The following C14orf39 variants were observed in gnomAD, a reference collection of about 807,000 sequenced individuals.
C14orf39 encodes chromosome 14 open reading frame 39.
C14orf39 carries 66 observed loss-of-function variants against 85.6 expected under a neutral mutation model. The ratio of observed to expected loss-of-function variants is 0.77; its 90% CI spans 0.63 to 0.95. The LOEUF is 0.95. C14orf39 is among the 40% of genes least tolerant of loss of function. C14orf39 has a pLI of 0.00. For missense variants in C14orf39, 735 were observed against 663.9 expected (o/e 1.11, Z -1.18); for synonymous variants, 242 against 214.0 (o/e 1.13, Z -1.14).
In C14orf39 at chr14:60,458,742, G is replaced by A. The variant is rs751462910; in HGVS notation, c.1118-3C>T. 2 of 1,589,738 alleles carry A rather than the reference G, an allele frequency of 1.3e-6. No homozygotes were observed. The highest frequency in any genetic ancestry group is 2.3e-5 in the South Asian group (2 of 87,684). On this transcript the variant is annotated splice_polypyrimidine_tract_variant and splice_region_variant and intron_variant, in intron 13 of 17. Transcript: ENST00000321731. ...CCCTTTATCTCCATACTCAGCATCT[G>A]TTGTCATATGAGAACAAACTATTTT...
intron 1 of C14orf39, among the ~76,000 whole-genome samples, chr14:60,500,586 T>A (rs1302004185): frequency 6.6e-6 from 1 of 152,142 alleles, no homozygotes; most frequent in Non-Finnish European, 1.5e-5. Flanking sequence ...TAGAACACAA[T>A]GTAACCTTCA....
intron 13 of C14orf39, among the ~76,000 whole-genome samples, chr14:60,460,684 C>T (rs1891481062): frequency 6.6e-6 from 1 of 151,672 alleles, no homozygotes; most frequent in African/African-American, 2.4e-5. Context: ...CATGTATACA[C>T]ATGTGTGTGT....
Position 60,454,981 on chromosome 14 carries a change from C to T in C14orf39, c.1503+20G>A. The stretch of plus-strand genomic sequence containing the variant: ...CACAGCAGAATTTTTAGAAATAAAA[C>T]TTTTGGCTTCTCATATTACCTGATC... On this transcript the variant is annotated intron_variant, in intron 16 of 17. Transcript: ENST00000321731. The T allele has an allele frequency of 6.8e-7, 1 of 1,477,354 alleles. No individual in the cohort carries two copies. The highest frequency in any genetic ancestry group is 1.4e-5 in the South Asian group (1 of 69,916). 91.5% of individuals were successfully genotyped at this position (1,477,354 alleles called of 1,614,324 possible). A position where few individuals can be genotyped will look rare whatever the true frequency, so the allele number is the denominator to read the frequency against.
At chr14:60,510,107 C>T in intron 1 of C14orf39, 1 of 786,276 alleles carries the variant, frequency 1.3e-6, no homozygotes, top group Non-Finnish European at 2.1e-6. Context: ...GGTTAAGAGC[C>T]CTGCGTTCTG....
chr14:60,497,419 G>A lies in C14orf39; in HGVS notation c.-9+1877C>T, dbSNP rs116036938. Among the ~76,000 whole-genome samples the A allele has an allele frequency of 4.3e-3, 658 of 151,858 alleles. 4 individuals are homozygous for A. The highest frequency in any genetic ancestry group is 0.015 in the African/African-American group (631 of 41,394). On this transcript the variant is annotated intron_variant, in intron 2 of 5. Coordinates refer to the C14orf39 transcript ENST00000556799. ...CACACACACACACTCCTTGGCATTC[G>A]AAACAAATAGGTTACAGCAACAGTT...
intron 16 of C14orf39, 35 bp downstream of exon 16, chr14:60,454,966 T>C (rs1208754745): frequency 1.4e-6 from 2 of 1,447,508 alleles, no homozygotes; most frequent in Admixed American, 5.7e-5. Context: ...CACAGCAGAA[T>C]TTTTAGAAAT....
intron 17 of C14orf39, among the ~76,000 whole-genome samples, chr14:60,437,655 T>C (rs549946673): frequency 1.3e-5 from 2 of 152,122 alleles, no homozygotes; most frequent in South Asian, 2.1e-4. Flanking sequence ...TAAAAGTCTA[T>C]TGTCCAGTGA....
intron 13 of C14orf39, among the ~76,000 whole-genome samples, chr14:60,459,710 T>C (rs1022087161): frequency 6.6e-6 from 1 of 151,756 alleles, no homozygotes; most frequent in African/African-American, 2.4e-5. Context: ...ACTGTAGTTT[T>C]ATTTTGAGTT....
intron 4 of C14orf39, 91 bp from the exon 5 acceptor site, chr14:60,478,480 G>A: frequency 1.5e-6 from 1 of 653,334 alleles, no homozygotes; most frequent in Non-Finnish European, 2.4e-6. Flanking sequence ...TATTTAAAGA[G>A]AAACGAATCT....
chr14:60,514,026 G>T (rs1350402068), intron 1 of C14orf39, among the ~76,000 whole-genome samples: 1 of 152,156 alleles, frequency 6.6e-6, no homozygotes, highest in Non-Finnish European at 1.5e-5. Flanking sequence ...TTACTTGTAA[G>T]ATTTTTTTAA....
intron 10 of C14orf39, among the ~76,000 whole-genome samples, 179 bp from the exon 11 acceptor site, chr14:60,466,234 T>C (rs1348000666): frequency 6.6e-6 from 1 of 151,942 alleles, no homozygotes; most frequent in African/African-American, 2.4e-5. Flanking sequence ...ATATAATAGC[T>C]TTACAATAAC....
At chr14:60,501,134 T>A (rs1893140418) in intron 1 of C14orf39, among the ~76,000 whole-genome samples, 1 of 151,892 alleles carries the variant, frequency 6.6e-6, no homozygotes, top group African/African-American at 2.4e-5. Context: ...AGACCCTGTC[T>A]CTACACACAC....
chr14:60,510,954 C>A, intron 1 of C14orf39: 1 of 941,752 alleles, frequency 1.1e-6, no homozygotes, highest in Non-Finnish European at 1.6e-6. Context: ...CCGAGTAATC[C>A]TCGCCTTAAC....
Position 60,469,616 on chromosome 14 carries a change from G to C in C14orf39, c.592C>G (p.His198Asp). 1 of 1,504,840 alleles carries C rather than the reference G, an allele frequency of 6.6e-7. No individual in the cohort carries two copies. Among genetic ancestry groups the C allele is most frequent in the Non-Finnish European group, 9.0e-7 (1 of 1,113,536 alleles). 93.2% of individuals were successfully genotyped at this position (1,504,840 alleles called of 1,614,324 possible). ...GAACTTTTGGTAAGATTGCTGGCAT[G>C]TTTAAGAATATCTTGTGTTTCACAT... Reference protein sequence around the residue: ...LRCETQDILKHASNLTKSSSE... With the variant: ...LRCETQDILKDASNLTKSSSE... The change falls in exon 8 of 18, where the codon CAT (histidine) becomes GAT (aspartate). Residue 198 changes from histidine (H) to aspartate (D), a missense_variant. Transcript: ENST00000321731.
intron 1 of C14orf39, chr14:60,511,036 G>C: frequency 6.3e-7 from 1 of 1,592,702 alleles, no homozygotes. Flanking sequence ...GCGGGCGACG[G>C]GCGGCTGTGT....
At chr14:60,475,932 A>G (rs1238451574) in intron 5 of C14orf39, among the ~76,000 whole-genome samples, 1 of 152,174 alleles carries the variant, frequency 6.6e-6, no homozygotes, top group Non-Finnish European at 1.5e-5. Flanking sequence ...TTCTTAAAAG[A>G]TACCCTGAGG....
chr14:60,492,591 C>A (rs940079837), intron 2 of C14orf39, among the ~76,000 whole-genome samples: 1 of 134,994 alleles, frequency 7.4e-6, no homozygotes, highest in Non-Finnish European at 1.6e-5. Flanking sequence ...CATGGCGAAA[C>A]CTTATCTCTA....
chr14:60,461,302 G>A, intron 13 of C14orf39, 52 bp downstream of exon 13: 1 of 1,456,180 alleles, frequency 6.9e-7, no homozygotes, highest in South Asian at 1.2e-5. Context: ...GTAAAAACCT[G>A]ATATAATTTG....
At chr14:60,478,626 C>T (rs1892503897) in intron 4 of C14orf39, among the ~76,000 whole-genome samples, 2 of 151,922 alleles carry the variant, frequency 1.3e-5, no homozygotes, top group Non-Finnish European at 2.9e-5. Context: ...GTTTTTGAAC[C>T]ATTACTAGGG....
Sources: allele counts gnomAD v4.1 joint callset (sites outside exome capture counted in the v4.1 genomes callset), GRCh38; gene constraint gnomAD v4.1.1; transcripts MANE v1.5; gene names NCBI Gene and HGNC (gene_info 2026-07-23, HGNC 2026-07-21).